Variants in TMPRSS11A observed in about 807,000 individuals in gnomAD.
TMPRSS11A encodes the protein transmembrane protease serine 11A.
TMPRSS11A carries 53 observed loss-of-function variants against 58.9 expected under a neutral mutation model. The ratio of observed to expected loss-of-function variants is 0.90; its 90% CI spans 0.72 to 1.13. The LOEUF (loss-of-function observed/expected upper bound fraction) is 1.13, where lower values mean the gene tolerates loss of function less well. TMPRSS11A is among the 50% of genes most tolerant of loss of function. TMPRSS11A has a pLI of 0.00. For missense variants in TMPRSS11A, 493 were observed against 499.3 expected, an observed-to-expected ratio of 0.99 and a Z score of 0.12; for synonymous variants, 167 against 169.8, an observed-to-expected ratio of 0.98 and a Z score of 0.13.
Position 67,911,335 on chromosome 4 carries a change from T to C in TMPRSS11A, c.*7A>G. 6.2e-7 allele frequency: 1 copy of C among 1,612,806 alleles called. No homozygotes were observed. ...TACAGCTTTCTTTGTTTAACTTTTATCGTGAATTAGATGCCTGTTTTTGAA... is the reference window on the plus strand; with the variant it reads ...TACAGCTTTCTTTGTTTAACTTTTACCGTGAATTAGATGCCTGTTTTTGAA... On this transcript the variant is annotated 3_prime_UTR_variant, in exon 10 of 10. Coordinates refer to ENST00000508048, the MANE Select transcript of TMPRSS11A (RefSeq NM_001114387.2).
intron 4 of TMPRSS11A, among the ~76,000 whole-genome samples, chr4:67,930,829 T>TTTTTTCAA (rs1265700805): frequency 1.1e-5 from 1 of 90,158 alleles, no homozygotes; most frequent in African/African-American, 4.7e-5. Context: ...TTTTTTTTTT[T>TTTTTTCAA]ACAAAAAAAA....
At chr4:67,934,874 G>A (rs1412048159) in intron 3 of TMPRSS11A, among the ~76,000 whole-genome samples, 2 of 152,130 alleles carry the variant, frequency 1.3e-5, no homozygotes, top group Non-Finnish European at 2.9e-5. Flanking sequence ...CACTTAGGGA[G>A]TGTTTTGTGG....
At chr4:67,946,381 T>C in intron 2 of TMPRSS11A, 69 bp downstream of exon 2, 2 of 1,478,160 alleles carry the variant, frequency 1.4e-6, no homozygotes, top group African/African-American at 1.4e-5. Flanking sequence ...AAGTTACATT[T>C]ACATATATGT....
At chr4:67,942,670 C>A (rs1334292828) in intron 3 of TMPRSS11A, among the ~76,000 whole-genome samples, 1 of 152,126 alleles carries the variant, frequency 6.6e-6, no homozygotes, top group Non-Finnish European at 1.5e-5. Flanking sequence ...GAAGAGCAAA[C>A]CTGCACCAAT....
intron 1 of TMPRSS11A, among the ~76,000 whole-genome samples, chr4:67,954,055 A>G (rs1242551094): frequency 6.6e-6 from 1 of 152,202 alleles, no homozygotes; most frequent in Non-Finnish European, 1.5e-5. Context: ...GTGGAAAATG[A>G]TGAAGAGACT....
intron 5 of TMPRSS11A, among the ~76,000 whole-genome samples, chr4:67,929,145 A>C (rs916269998): frequency 2.6e-5 from 4 of 152,186 alleles, no homozygotes; most frequent in Non-Finnish European, 4.4e-5. Context: ...TGAATTCCTC[A>C]ACTCTTTTTG....
intron 1 of TMPRSS11A, among the ~76,000 whole-genome samples, chr4:67,957,583 C>T (rs970816166): frequency 2.6e-5 from 4 of 152,282 alleles, no homozygotes; most frequent in Middle Eastern, 3.4e-3. Context: ...CAAAAGGTTA[C>T]TTGGGTGCTA....
chr4:67,916,591 C>T (rs1291171216), intron 8 of TMPRSS11A, among the ~76,000 whole-genome samples: 1 of 152,072 alleles, frequency 6.6e-6, no homozygotes, highest in Non-Finnish European at 1.5e-5. Flanking sequence ...CTTTGGGAGG[C>T]CGAGGCAGGT....
At chr4:67,925,051 C>CT (rs1252561959) in intron 5 of TMPRSS11A, among the ~76,000 whole-genome samples, 1 of 148,166 alleles carries the variant, frequency 6.7e-6, no homozygotes, top group East Asian at 2.0e-4. Flanking sequence ...ATTTAAAATG[C>CT]TTTTTAAACA....
At chr4:67,946,648 C>T in intron 1 of TMPRSS11A, 77 bp from the exon 2 acceptor site, 1 of 1,438,354 alleles carries the variant, frequency 7.0e-7, no homozygotes. Flanking sequence ...TAGACAAGTT[C>T]AAGTTGCTGT....
At chr4:67,946,098 A>G (rs1195939658) in intron 2 of TMPRSS11A, among the ~76,000 whole-genome samples, 1 of 152,122 alleles carries the variant, frequency 6.6e-6, no homozygotes, top group Non-Finnish European at 1.5e-5. Flanking sequence ...TTTCATTTTA[A>G]TATATAATAA....
intron 4 of TMPRSS11A, among the ~76,000 whole-genome samples, chr4:67,930,309 T>C (rs1435848677): frequency 6.6e-6 from 1 of 152,182 alleles, no homozygotes; most frequent in Non-Finnish European, 1.5e-5. Flanking sequence ...AATTACAAGC[T>C]CTGAGAGTTA....
At chr4:67,940,223 T>C (rs893322782) in intron 3 of TMPRSS11A, among the ~76,000 whole-genome samples, 1 of 152,178 alleles carries the variant, frequency 6.6e-6, no homozygotes, top group African/African-American at 2.4e-5. Flanking sequence ...TGTGAGGTTT[T>C]GGCGTTAGGG....
intron 3 of TMPRSS11A, among the ~76,000 whole-genome samples, chr4:67,933,599 TTAAA>T (rs1203178184): frequency 1.3e-5 from 2 of 152,176 alleles, no homozygotes; most frequent in Non-Finnish European, 2.9e-5. Flanking sequence ...TTATTGGTAC[TTAAA>T]TAAAGAAAGC....
chr4:67,929,245 G>A (rs1401487763), intron 5 of TMPRSS11A, among the ~76,000 whole-genome samples: 3 of 152,090 alleles, frequency 2.0e-5, no homozygotes, highest in African/African-American at 4.8e-5. Flanking sequence ...CATAGAGATA[G>A]ACCTTGATAA....
intron 4 of TMPRSS11A, among the ~76,000 whole-genome samples, chr4:67,930,588 G>T (rs1577859044): frequency 6.6e-6 from 1 of 151,544 alleles, no homozygotes; most frequent in African/African-American, 2.4e-5. Flanking sequence ...TCCTCCTCTA[G>T]CCCAAATATT....
intron 8 of TMPRSS11A, among the ~76,000 whole-genome samples, chr4:67,917,172 G>T (rs1216007275): frequency 6.6e-6 from 1 of 150,760 alleles, no homozygotes; most frequent in African/African-American, 2.4e-5. Context: ...TTTGTTTTAG[G>T]TTTATTTTTT....
intron 8 of TMPRSS11A, among the ~76,000 whole-genome samples, chr4:67,916,364 AAC>A (rs939395134): frequency 3.9e-5 from 6 of 152,164 alleles, no homozygotes; most frequent in African/African-American, 1.4e-4. Flanking sequence ...AATGTTTGTA[AAC>A]ACATATTTAA....
rs1720240091 is a variant in TMPRSS11A, at chr4:67,919,050, C to A, written c.875G>T (p.Cys292Phe). Residue 292 changes from cysteine (C) to phenylalanine (F), a missense_variant, in exon 8 of 10, where the codon TGT (cysteine) becomes TTT (phenylalanine). Physicochemically the swap from Cys to Phe is radical, Grantham distance 205. Coordinates refer to ENST00000508048, the MANE Select transcript of TMPRSS11A (RefSeq NM_001114387.2). The part of the protein sequence containing the change: ...VTFSDDIRQI[C>F]LPEASASFQP... Reference sequence around the variant, plus strand: ...GAAGGATGCAGAGGCTTCTGGCAAACAAATCTGGCGTATGTCATCCGAAAA... The same window carrying A: ...GAAGGATGCAGAGGCTTCTGGCAAAAAAATCTGGCGTATGTCATCCGAAAA... The A allele has an allele frequency of 6.2e-7, 1 of 1,614,050 alleles. No homozygotes were observed. Among genetic ancestry groups the A allele is most frequent in the African/African-American group, 1.3e-5 (1 of 74,922 alleles).
Sources: allele counts gnomAD v4.1 joint callset (sites outside exome capture counted in the v4.1 genomes callset), GRCh38; gene constraint gnomAD v4.1.1; transcripts MANE v1.5; gene names NCBI Gene and HGNC (gene_info 2026-07-23, HGNC 2026-07-21).